Variants in CNBD1 observed in about 807,000 individuals in gnomAD.
CNBD1 encodes the protein cyclic nucleotide binding domain containing 1.
In CNBD1, 71 loss-of-function variants were observed where a neutral mutation model predicts 54.4. That is an observed-to-expected ratio of 1.30 (90% CI 1.08 to 1.59). The LOEUF (loss-of-function observed/expected upper bound fraction) is 1.59, where lower values mean the gene tolerates loss of function less well. Ranked by LOEUF, CNBD1 falls within the 40% of genes most tolerant of loss-of-function variation. The pLI, the probability that CNBD1 is intolerant of heterozygous loss-of-function variation, is 0.00. For synonymous variants in CNBD1, 182 were observed against 170.7 expected (o/e 1.07, Z -0.51); for missense variants, 659 against 518.0 (o/e 1.27, Z -2.64).
At chr8:87,304,555 G>A (rs1339895700) in intron 8 of CNBD1, among the ~76,000 whole-genome samples, 1 of 152,036 alleles carries the variant, frequency 6.6e-6, no homozygotes, top group Non-Finnish European at 1.5e-5. Context: ...GTTAATGGGT[G>A]CAGCACACCA....
intron 4 of CNBD1, among the ~76,000 whole-genome samples, chr8:87,195,146 G>A (rs1159810558): frequency 6.6e-6 from 1 of 151,392 alleles, no homozygotes; most frequent in Non-Finnish European, 1.5e-5. Flanking sequence ...GCATCCCAAA[G>A]TCCTGGGATT....
At chr8:87,257,000 A>C (rs986508211) in intron 6 of CNBD1, among the ~76,000 whole-genome samples, 34 of 152,226 alleles carry the variant, frequency 2.2e-4, no homozygotes, top group African/African-American at 7.9e-4. Context: ...AATATACTGT[A>C]ACATAATAAT....
At chr8:87,418,403 A>T (rs925396326) in intron 2 of CNBD1, among the ~76,000 whole-genome samples, 14 of 151,986 alleles carry the variant, frequency 9.2e-5, no homozygotes, top group Non-Finnish European at 8.8e-5. Context: ...AAGTCGAAAA[A>T]TTCTTAGAAG....
intron 6 of CNBD1, among the ~76,000 whole-genome samples, chr8:87,243,209 G>A (rs1297228266): frequency 6.6e-6 from 1 of 152,174 alleles, no homozygotes; most frequent in African/African-American, 2.4e-5. Context: ...AAATTCAGAA[G>A]GCATTGATAA....
chr8:87,288,622 G>A lies in CNBD1; in HGVS notation c.1042+1951G>A, dbSNP rs1808736150. Among the ~76,000 whole-genome samples, 4 of 151,928 alleles carry A rather than the reference G, an allele frequency of 2.6e-5. No homozygotes were observed. In the South Asian group the frequency reaches 8.3e-4, roughly 32 times the overall value. ...AATTTTGCATCAAAGAGCTAAAAAG[G>A]TACTGAGACAGTTAACATACTGTTT... On this transcript the variant is annotated intron_variant, in intron 8 of 10. Transcript: ENST00000518476.
At chr8:87,336,239 G>T (rs1277268474) in intron 8 of CNBD1, among the ~76,000 whole-genome samples, 1 of 152,020 alleles carries the variant, frequency 6.6e-6, no homozygotes, top group Admixed American at 6.6e-5. Flanking sequence ...TTGAATGTTG[G>T]CTTGTCTTCC....
At position 86,902,897 on chromosome 8, in the gene CNBD1, A is replaced by G. The variant is rs143122725; in HGVS notation, c.159-2184A>G. ...AGCTACTTCTATATTCCATATTTAG[A>G]TACATTTATTTACAGATTTCACATG... On this transcript the variant is annotated intron_variant, in intron 2 of 10. Coordinates refer to ENST00000518476, the MANE Select transcript of CNBD1 (RefSeq NM_173538.3). Among the ~76,000 whole-genome samples, 210 of 152,180 alleles carry G rather than the reference A, an allele frequency of 1.4e-3. 1 individual carries two copies. Among genetic ancestry groups the G allele is most frequent in the African/African-American group, 4.8e-3 (198 of 41,538 alleles).
At chr8:87,335,538 T>C (rs1004417325) in intron 8 of CNBD1, among the ~76,000 whole-genome samples, 1 of 152,206 alleles carries the variant, frequency 6.6e-6, no homozygotes, top group Non-Finnish European at 1.5e-5. Flanking sequence ...TTTGCTTTTT[T>C]CTGCTCTCCA....
At position 87,041,752 on chromosome 8, in the gene CNBD1, TCA is replaced by T. The variant is rs1301950504; in HGVS notation, c.431+101999_431+102000del. 3.9e-5 allele frequency among the ~76,000 whole-genome samples: 6 copies of T among 152,032 alleles called. No homozygotes were observed. The East Asian group carries it at 5.8e-4, about 15-fold the overall frequency. On this transcript the variant is annotated intron_variant, in intron 4 of 10. Coordinates refer to ENST00000518476, the MANE Select transcript of CNBD1 (RefSeq NM_173538.3). ...AGGCGGAGCTTGCAGTGAGCCAAGA[TCA>T]TGCCACTGCACTCCAGCCCGAGCGA... is the stretch of plus-strand genomic sequence containing the variant.
intron 4 of CNBD1, among the ~76,000 whole-genome samples, chr8:87,128,982 GA>G (rs1439645931): frequency 2.1e-5 from 3 of 144,350 alleles, no homozygotes; most frequent in Non-Finnish European, 4.5e-5. Context: ...AGCTACTCAG[GA>G]GGCTTGAGCC....
Position 87,322,493 on chromosome 8 carries a change from A to G in CNBD1, c.1043-29192A>G, listed in dbSNP as rs1173271452. Among the ~76,000 whole-genome samples the G allele has an allele frequency of 4.9e-5, 6 of 122,014 alleles. 1 individual carries two copies. Among genetic ancestry groups the G allele is most frequent in the Non-Finnish European group, 1.1e-4 (6 of 54,794 alleles). 80.0% of individuals were successfully genotyped at this position (122,014 alleles called of 152,430 possible). A position where few individuals can be genotyped will look rare whatever the true frequency, so the allele number is the denominator to read the frequency against. ...GTTTCCTGACTTTTTAATGATTGCC[A>G]TTCTAACTGGTGTGAGATGATATCT... On this transcript the variant is annotated intron_variant, in intron 8 of 10. Transcript: ENST00000518476.
intron 6 of CNBD1, among the ~76,000 whole-genome samples, chr8:87,266,407 A>C (rs1808259224): frequency 6.7e-6 from 1 of 149,090 alleles, no homozygotes; most frequent in South Asian, 2.1e-4. Context: ...GCAATTCCAA[A>C]AATGAGGTCC....
At chr8:87,113,452 G>A (rs567088455) in intron 4 of CNBD1, among the ~76,000 whole-genome samples, 24 of 152,294 alleles carry the variant, frequency 1.6e-4, no homozygotes, top group Admixed American at 7.8e-4. Flanking sequence ...GGGTTTAAGC[G>A]AGGATGAATT....
intron 8 of CNBD1, among the ~76,000 whole-genome samples, chr8:87,312,715 T>A (rs924009721): frequency 2.0e-5 from 3 of 152,004 alleles, no homozygotes; most frequent in Non-Finnish European, 4.4e-5. Flanking sequence ...GGTGTTTTTT[T>A]AAAAAACAAA....
At chr8:86,981,057 C>A (rs1727380215) in intron 4 of CNBD1, among the ~76,000 whole-genome samples, 1 of 152,150 alleles carries the variant, frequency 6.6e-6, no homozygotes, top group African/African-American at 2.4e-5. Flanking sequence ...GCTTTGGAAG[C>A]TTTTTACAGA....
At chr8:87,368,743 G>A (rs554274235) in intron 10 of CNBD1, among the ~76,000 whole-genome samples, 5 of 152,136 alleles carry the variant, frequency 3.3e-5, no homozygotes, top group African/African-American at 1.2e-4. Flanking sequence ...TAGGCATCAA[G>A]CTGACCTTGC....
intron 4 of CNBD1, among the ~76,000 whole-genome samples, chr8:87,140,566 A>G (rs1812351460): frequency 6.6e-6 from 1 of 152,168 alleles, no homozygotes; most frequent in Non-Finnish European, 1.5e-5. Flanking sequence ...TTGATTTATT[A>G]TAATATTGTT....
chr8:87,376,311 T>G (rs564309581), intron 10 of CNBD1, among the ~76,000 whole-genome samples: 1 of 151,942 alleles, frequency 6.6e-6, no homozygotes, highest in South Asian at 2.1e-4. Flanking sequence ...TGTCTTCTCC[T>G]TGTATTCTCA....
chr8:87,416,516 G>A (rs1334124750), intron 2 of CNBD1, among the ~76,000 whole-genome samples: 1 of 151,992 alleles, frequency 6.6e-6, no homozygotes, highest in Non-Finnish European at 1.5e-5. Flanking sequence ...GAGGAAACTG[G>A]AAGTGTGACA....
Sources: allele counts gnomAD v4.1 joint callset (sites outside exome capture counted in the v4.1 genomes callset), GRCh38; gene constraint gnomAD v4.1.1; transcripts MANE v1.5; gene names NCBI Gene and HGNC (gene_info 2026-07-23, HGNC 2026-07-21).